The following LARP4 variants were observed in gnomAD, a reference collection of about 807,000 sequenced individuals.
The protein encoded by LARP4 is La ribonucleoprotein 4.
In LARP4, 29 loss-of-function variants were observed where a neutral mutation model predicts 92.9. The observed-to-expected ratio is 0.31, with a 90% CI of 0.23 to 0.43. The LOEUF (loss-of-function observed/expected upper bound fraction) is 0.43, where lower values mean the gene tolerates loss of function less well. Ranked by LOEUF, LARP4 falls within the 20% of genes least tolerant of loss-of-function variation. LARP4 has a pLI of 1.00. For synonymous variants in LARP4, 279 were observed against 284.1 expected (o/e 0.98, Z 0.18); for missense variants, 732 against 860.0 (o/e 0.85, Z 1.86).
chr12:50,463,515 T>C (rs976083988), intron 12 of LARP4, among the ~76,000 whole-genome samples: 1 of 151,612 alleles, frequency 6.6e-6, no homozygotes. Context: ...GGCTGATCCC[T>C]TGAGCCCAGA....
intron 13 of LARP4, among the ~76,000 whole-genome samples, chr12:50,472,289 C>G (rs1169323541): frequency 6.6e-6 from 1 of 152,178 alleles, no homozygotes; most frequent in Non-Finnish European, 1.5e-5. Context: ...TACAATCTTT[C>G]AAGACTAAAA....
rs1418032154 is a variant in LARP4 at position 50,476,877 on chromosome 12, A to G, written c.*1013A>G. 3 of 152,430 alleles carry G rather than the reference A, an allele frequency of 2.0e-5. No individual in the cohort carries two copies. The highest frequency in any genetic ancestry group is 7.2e-5 in the African/African-American group (3 of 41,468). The allele number at this position is 152,430 out of a possible 1,614,324, so 9.4% of individuals were successfully genotyped here. A position where few individuals can be genotyped will look rare whatever the true frequency, so the allele number is the denominator to read the frequency against. On this transcript the variant is annotated 3_prime_UTR_variant, in exon 16 of 16. Transcript: ENST00000398473. The stretch of plus-strand genomic sequence containing the variant: ...AAATTTCAGAATTGAACATTGAAGT[A>G]TTAACTCTTCTGTTCACACATTTAG...
chr12:50,475,206 CAGG>C (rs977572546), intron 15 of LARP4, among the ~76,000 whole-genome samples: 2 of 152,154 alleles, frequency 1.3e-5, no homozygotes, highest in African/African-American at 4.8e-5. Context: ...AGCAAGGAAA[CAGG>C]AGCAGAAAGA....
chr12:50,438,322 C>T (rs932807791), intron 6 of LARP4, among the ~76,000 whole-genome samples: 6 of 151,864 alleles, frequency 4.0e-5, no homozygotes, highest in African/African-American at 1.5e-4. Context: ...TATGGTGAAA[C>T]CCCATCTCTA....
chr12:50,464,760 G>A (rs567553026), intron 12 of LARP4, among the ~76,000 whole-genome samples: 9 of 149,102 alleles, frequency 6.0e-5, no homozygotes, highest in African/African-American at 1.7e-4. Flanking sequence ...GCGTGATCTC[G>A]GCTCACTGCA....
At chr12:50,442,562 G>A (rs1951383733) in intron 8 of LARP4, among the ~76,000 whole-genome samples, 1 of 152,092 alleles carries the variant, frequency 6.6e-6, no homozygotes, top group Non-Finnish European at 1.5e-5. Context: ...CACTTAGTTC[G>A]ACTTGATCCT....
At chr12:50,465,037 C>T (rs7957033) in intron 12 of LARP4, among the ~76,000 whole-genome samples, 107,706 of 151,970 alleles carry the variant, frequency 0.71, 44,241 homozygotes, top group Non-Finnish European at 0.93. Context: ...CATGACTTCT[C>T]AAGTGGCCCT....
At chr12:50,427,993 CTTTTTT>C (rs781256448) in intron 2 of LARP4, 84 bp downstream of exon 2, 31 of 306,136 alleles carry the variant, frequency 1.0e-4, no homozygotes, top group Admixed American at 1.2e-4. Flanking sequence ...AGACACATCT[CTTTTTT>C]TTTTTTTTTT....
rs1043750286 is a variant in LARP4 at position 50,462,625 on chromosome 12, A to G, written c.1378A>G (p.Ile460Val). 2 of 1,468,844 alleles carry G rather than the reference A, an allele frequency of 1.4e-6. No homozygotes were observed. The highest frequency in any genetic ancestry group is 1.9e-5 in the Admixed American group (1 of 52,194). 91.0% of individuals were successfully genotyped at this position (1,468,844 alleles called of 1,614,324 possible). ...RGRRRREDDR[I>V]SRPHPSTAES... is the part of the protein sequence containing the mutation. The stretch of plus-strand genomic sequence containing the variant: ...TCGAAGACGACGAGAAGATGACAGG[A>G]TCTCAGTAAGTTTTTTAAAACTTTT... The change falls in exon 12 of 16, where the codon ATC becomes GTC. Residue 460 changes from isoleucine (I) to valine (V), a missense_variant. Physicochemically the swap from Ile to Val is conservative, Grantham distance 29. Around this residue, in one of 7 missense-constraint regions of LARP4, gnomAD observed 264 missense variants for 269.5 expected, o/e 0.98. Transcript: ENST00000398473.
intron 12 of LARP4, among the ~76,000 whole-genome samples, chr12:50,465,852 G>GT (rs1388825096): frequency 6.6e-6 from 1 of 152,138 alleles, no homozygotes; most frequent in African/African-American, 2.4e-5. Context: ...AAAACAGGTT[G>GT]TTTTAACAGT....
At chr12:50,436,221 T>G (rs542612668) in intron 5 of LARP4, among the ~76,000 whole-genome samples, 41 of 149,482 alleles carry the variant, frequency 2.7e-4, no homozygotes, top group Admixed American at 1.1e-3. Flanking sequence ...TGTGTGGGGG[T>G]GTGTGTGTGT....
chr12:50,472,525 C>CT (rs879845900), intron 13 of LARP4, among the ~76,000 whole-genome samples: 75 of 146,342 alleles, frequency 5.1e-4, no homozygotes, highest in Admixed American at 3.4e-3. Context: ...AGCCTACAAA[C>CT]TTTTTTTTTT....
In LARP4 at chr12:50,466,956, T is replaced by G. The variant is rs1264131036; in HGVS notation, c.1384-3T>G. 10 of 1,605,322 alleles carry G rather than the reference T, an allele frequency of 6.2e-6. No homozygotes were observed. The highest frequency in any genetic ancestry group is 8.5e-6 in the Non-Finnish European group (10 of 1,173,708). On this transcript the variant is annotated splice_polypyrimidine_tract_variant and splice_region_variant and intron_variant, in intron 12 of 15. Coordinates refer to ENST00000398473, the MANE Select transcript of LARP4 (RefSeq NM_052879.5). The stretch of plus-strand genomic sequence containing the variant: ...GACCTGTTTTATTATTTGTTCATTT[T>G]AGAGACCTCATCCTTCAACAGCTGA...
At chr12:50,421,820 G>GT (rs1947854544) in intron 1 of LARP4, among the ~76,000 whole-genome samples, 1 of 152,074 alleles carries the variant, frequency 6.6e-6, no homozygotes, top group Admixed American at 6.6e-5. Context: ...TCATTGTGTG[G>GT]TTAATCCTTT....
In LARP4 at chr12:50,478,806, A is replaced by G. The variant is rs1428324757; in HGVS notation, c.*2942A>G. The G allele has an allele frequency of 6.6e-6, 1 of 152,182 alleles. No individual in the cohort carries two copies. Among genetic ancestry groups the G allele is most frequent in the Non-Finnish European group, 1.5e-5 (1 of 67,998 alleles). The allele number at this position is 152,182 out of a possible 1,614,324, so 9.4% of individuals were successfully genotyped here. On this transcript the variant is annotated 3_prime_UTR_variant, in exon 16 of 16. Coordinates refer to ENST00000398473, the MANE Select transcript of LARP4 (RefSeq NM_052879.5). ...TCTCTGAGTAATTTTAATTTTGCCA[A>G]ATACACTGACATTTAAAATAGTGAT...
chr12:50,422,846 C>T (rs1948059241), intron 1 of LARP4, among the ~76,000 whole-genome samples: 2 of 149,262 alleles, frequency 1.3e-5, no homozygotes, highest in Non-Finnish European at 3.0e-5. Flanking sequence ...TGAGACGAGT[C>T]CCCCTCTGTC....
At chr12:50,416,648 C>T (rs557038114) in intron 1 of LARP4, among the ~76,000 whole-genome samples, 4 of 152,124 alleles carry the variant, frequency 2.6e-5, no homozygotes, top group African/African-American at 4.8e-5. Flanking sequence ...CACACCACTG[C>T]GCTCCATCCT....
At chr12:50,465,443 C>T (rs899593974) in intron 12 of LARP4, among the ~76,000 whole-genome samples, 1 of 150,802 alleles carries the variant, frequency 6.6e-6, no homozygotes, top group East Asian at 1.9e-4. Flanking sequence ...TGATGGAGGA[C>T]TAAACATTGG....
chr12:50,431,040 G>T (rs1227444137), intron 4 of LARP4, among the ~76,000 whole-genome samples: 5 of 152,122 alleles, frequency 3.3e-5, no homozygotes, highest in Admixed American at 2.6e-4. Flanking sequence ...GGCTTCGGTG[G>T]CTGGATCACC....
Sources: allele counts gnomAD v4.1 joint callset (sites outside exome capture counted in the v4.1 genomes callset), GRCh38; gene constraint gnomAD v4.1.1; regional missense constraint gnomAD v4.1.1; transcripts MANE v1.5; gene names NCBI Gene and HGNC (gene_info 2026-07-23, HGNC 2026-07-21).